The following ROBO4 variants were observed in gnomAD, a reference collection of about 807,000 sequenced individuals.
ROBO4 encodes the protein roundabout homolog 4.
In ROBO4, 80 loss-of-function variants were observed where a neutral mutation model predicts 103.3. The ratio of observed to expected loss-of-function variants is 0.77; its 90% confidence interval spans 0.65 to 0.93. ROBO4 has a LOEUF of 0.93. Ranked by LOEUF, ROBO4 falls within the 40% of genes least tolerant of loss-of-function variation. The pLI is 0.00. For synonymous variants in ROBO4, 504 were observed against 529.7 expected (o/e 0.95, Z 0.67); for missense variants, 1,333 against 1,305.3 (o/e 1.02, Z -0.33).
intron 10 of ROBO4, chr11:124,892,663 C>T (rs59519434): frequency 0.02 from 3,108 of 153,902 alleles, 101 homozygotes; most frequent in African/African-American, 0.07. Flanking sequence ...CCTGCTTCTG[C>T]GTGGCCAATA....
chr11:124,892,028 A>C, intron 10 of ROBO4: 1 of 701,390 alleles, frequency 1.4e-6, no homozygotes, highest in Non-Finnish European at 2.6e-6. Flanking sequence ...CGAGTCACCC[A>C]GAGCTGGGAG....
Position 124,895,449 on chromosome 11 carries a change from G to A in ROBO4, c.1036+8C>T, listed in dbSNP as rs1946869155. On this transcript the variant is annotated splice_region_variant and intron_variant, in intron 6 of 17. Transcript: ENST00000306534. ...TATTGTTGGCTTCTGAAGGGATCAG[G>A]CCCTGACCTTTTTCCGGCAGCCTCA... is the stretch of plus-strand genomic sequence containing the variant. 1 of 1,607,418 alleles carries A rather than the reference G, an allele frequency of 6.2e-7. No homozygotes were observed. The highest frequency in any genetic ancestry group is 8.5e-7 in the Non-Finnish European group (1 of 1,179,098).
At chr11:124,896,374 G>C (rs1168636848) in intron 3 of ROBO4, 56 bp from the exon 4 acceptor site, 13 of 1,606,426 alleles carry the variant, frequency 8.1e-6, no homozygotes, top group Non-Finnish European at 1.1e-5. Context: ...CTCTGAGCTG[G>C]GGGGAAGTTT....
rs542367765 is a variant in ROBO4, at chr11:124,894,537, CCT to C, written c.1150-170_1150-169del. The C allele has an allele frequency of 6.4e-6, 4 of 620,988 alleles. No homozygotes were observed. The Admixed American group carries it at 9.0e-5, about 14-fold the overall frequency. 38.5% of individuals were successfully genotyped at this position (620,988 alleles called of 1,614,324 possible). A position where few individuals can be genotyped will look rare whatever the true frequency, so the allele number is the denominator to read the frequency against. ...TATTCTCCCTACCAAGTGAGAGATA[CCT>C]CTCTCTAGATCAACAGTAGAAGGGC... On this transcript the variant is annotated intron_variant, in intron 7 of 17. Coordinates refer to ENST00000306534, the MANE Select transcript of ROBO4 (RefSeq NM_019055.6).
Position 124,885,162 on chromosome 11 carries a change from C to A in ROBO4, c.2880G>T (p.Trp960Cys), listed in dbSNP as rs753615619. The part of the protein sequence containing the change: ...SLPLWEWRPD[W>C]LEDMEVSHTQ... Reference sequence around the variant, plus strand: ...TGTGGCTGACCTCCATGTCTTCCAACCAGTCTGGCCTCCACTCCCACAGGG... The same window carrying A: ...TGTGGCTGACCTCCATGTCTTCCAAACAGTCTGGCCTCCACTCCCACAGGG... The change falls in exon 17 of 18, where the codon TGG becomes TGT. Residue 960 changes from tryptophan (W) to cysteine (C), a missense_variant. By Grantham distance (215) the Trp-to-Cys change is radical. Transcript: ENST00000306534. The A allele has an allele frequency of 1.9e-6, 3 of 1,614,030 alleles. No individual in the cohort carries two copies. Among genetic ancestry groups the A allele is most frequent in the Non-Finnish European group, 2.5e-6 (3 of 1,180,034 alleles).
In ROBO4 at chr11:124,897,232, T is replaced by G; in HGVS notation, c.100A>C (p.Ile34Leu). 6.8e-7 allele frequency: 1 copy of G among 1,461,944 alleles called. No homozygotes were observed. The highest frequency in any genetic ancestry group is 9.0e-7 in the Non-Finnish European group (1 of 1,106,960). The allele number at this position is 1,461,944 out of a possible 1,614,324, so 90.6% of individuals were successfully genotyped here. A position where few individuals can be genotyped will look rare whatever the true frequency, so the allele number is the denominator to read the frequency against. The change falls in exon 2 of 18, where the codon ATC (isoleucine) becomes CTC (leucine). Residue 34 changes from isoleucine (I) to leucine (L), a missense_variant. Coordinates refer to ENST00000306534, the MANE Select transcript of ROBO4 (RefSeq NM_019055.6). ...GGMAQDSPPQILVHPQDQLFQ... is the reference protein window; with the variant it reads ...GGMAQDSPPQLLVHPQDQLFQ... The stretch of plus-strand genomic sequence containing the variant: ...AGCTGGTCCTGGGGGTGGACTAGGA[T>G]CTGGGGCGGGGAGTCCTGAGCCATG...
Position 124,891,703 on chromosome 11 carries a change from C to A in ROBO4, c.1647G>T (p.Gly549=), listed in dbSNP as rs747378317. 6.2e-7 allele frequency: 1 copy of A among 1,614,178 alleles called. No individual in the cohort carries two copies. Among genetic ancestry groups the A allele is most frequent in the Non-Finnish European group, 8.5e-7 (1 of 1,180,046 alleles). The change falls in exon 11 of 18, where the codon GGG becomes GGT. Residue 549 remains glycine (G), a synonymous_variant. Coordinates refer to ENST00000306534, the MANE Select transcript of ROBO4 (RefSeq NM_019055.6). ...AGTCTAGTGGGTCCCGGGCATCCGC[C>A]CCCAGCCGACTGCTGAGGCTGCTGC... ...SSSSSLSSRL[G]ADARDPLDCR... is the part of the protein sequence containing the mutation.
chr11:124,895,858 TC>T lies in ROBO4; in HGVS notation c.733del (p.Glu245LysfsTer3). ...ATCCGGGTTCAGCAGTGTCACATTT[TC>T]CAGCTGAATTCGCACAGCCAGAAGC... Reference protein sequence around the residue: ...VELLAVRIQLENVTLLNPDPA... With the variant: ...VELLAVRIQLXNVTLLNPDPA... On this transcript the variant is annotated frameshift_variant, in exon 5 of 18. Coordinates refer to ENST00000306534, the MANE Select transcript of ROBO4 (RefSeq NM_019055.6). LOFTEE classifies it high-confidence loss of function. The T allele has an allele frequency of 6.2e-7, 1 of 1,614,136 alleles. No individual in the cohort carries two copies. The highest frequency in any genetic ancestry group is 8.5e-7 in the Non-Finnish European group (1 of 1,180,008).
At chr11:124,890,537 C>T (rs770090991) in intron 12 of ROBO4, among the ~76,000 whole-genome samples, 2 of 152,218 alleles carry the variant, frequency 1.3e-5, no homozygotes, top group Non-Finnish European at 2.9e-5. Context: ...TTGAGTCCTG[C>T]AGCTAATTAC....
At chr11:124,892,158 A>G (rs998712801) in intron 10 of ROBO4, 18 of 458,358 alleles carry the variant, frequency 3.9e-5, no homozygotes, top group Non-Finnish European at 6.3e-5. Flanking sequence ...GCACTTGGGT[A>G]AGTACATCCT....
chr11:124,894,451 G>A (rs1946850291), intron 7 of ROBO4, 82 bp from the exon 8 acceptor site: 4 of 1,408,880 alleles, frequency 2.8e-6, no homozygotes, highest in African/African-American at 2.9e-5. Flanking sequence ...AGACTCCAGG[G>A]GTGTGGTTAT....
chr11:124,896,799 C>A, intron 2 of ROBO4, 129 bp from the exon 3 acceptor site: 1 of 1,510,150 alleles, frequency 6.6e-7, no homozygotes, highest in Non-Finnish European at 8.9e-7. Context: ...CCCCAGCTTG[C>A]CCTCCCAAGC....
intron 16 of ROBO4, 30 bp from the exon 17 acceptor site, chr11:124,885,277 A>G (rs758292843): frequency 3.3e-5 from 53 of 1,587,920 alleles, no homozygotes. Context: ...TGTCTGTGGG[A>G]GGTTGACCTT....
At position 124,896,240 on chromosome 11, in the gene ROBO4, C is replaced by T. The variant is rs146812473; in HGVS notation, c.637G>A (p.Ala213Thr). Reference sequence around the variant, plus strand: ...GCTGCGCGGCTCTCCCTATGTCCTGCGCTGTTGGTGGCCACACACATGTAG... The same window carrying T: ...GCTGCGCGGCTCTCCCTATGTCCTGTGCTGTTGGTGGCCACACACATGTAG... ...GTYMCVATNSAGHRESRAARV... is the reference protein window; with the variant it reads ...GTYMCVATNSTGHRESRAARV... Residue 213 changes from alanine to threonine, a missense_variant, in exon 4 of 18, where the codon GCA (alanine) becomes ACA (threonine). Ala to Thr is a moderately conservative substitution (Grantham distance 58). Coordinates refer to ENST00000306534, the MANE Select transcript of ROBO4 (RefSeq NM_019055.6). The T allele has an allele frequency of 4.2e-5, 67 of 1,614,146 alleles. No individual in the cohort carries two copies. The African/African-American group carries it at 6.3e-4, about 15-fold the overall frequency.
rs142824754 is a variant in ROBO4 at position 124,897,769 on chromosome 11, C to G, written c.27G>C (p.Leu9=). Residue 9 remains leucine, a synonymous_variant, in exon 1 of 18, where the codon CTG becomes CTC. Coordinates refer to ENST00000306534, the MANE Select transcript of ROBO4 (RefSeq NM_019055.6). The part of the protein sequence containing the change: MGSGGDSL[L]GGRGSLPLLL... ...GCAGAGGCAGGGAACCCCTGCCCCC[C>G]AGGAGGCTGTCTCCTCCAGAGCCCA... is the stretch of plus-strand genomic sequence containing the variant. 5.0e-6 allele frequency: 8 copies of G among 1,613,818 alleles called. No homozygotes were observed. The highest frequency in any genetic ancestry group is 1.7e-5 in the Admixed American group (1 of 59,994).
Position 124,891,743 on chromosome 11 carries a change from C to T in ROBO4, c.1607G>A (p.Arg536Gln), listed in dbSNP as rs368057702. The T allele has an allele frequency of 4.3e-6, 7 of 1,613,838 alleles. No homozygotes were observed. The highest frequency in any genetic ancestry group is 2.7e-5 in the African/African-American group (2 of 74,916). ...GAGGCTGCTGCTGCTGCTCAGGTCC[C>T]GAGAGCCAGAGGTGGAACGCCAAGT... ...ADTWRSTSGS[R>Q]DLSSSSSLSS... Residue 536 changes from arginine (R) to glutamine (Q), a missense_variant, in exon 11 of 18, where the codon CGG (arginine) becomes CAG (glutamine). By Grantham distance (43) the Arg-to-Gln change is conservative. Coordinates refer to ENST00000306534, the MANE Select transcript of ROBO4 (RefSeq NM_019055.6).
Position 124,884,864 on chromosome 11 carries a change from C to T in ROBO4, c.*27G>A, listed in dbSNP as rs1269689258. ...TGGACAGGAGAAGTGGTTCTGATTCCCGTCTGGGAAGTCTCAGGGACACGG... is the reference window on the plus strand; with the variant it reads ...TGGACAGGAGAAGTGGTTCTGATTCTCGTCTGGGAAGTCTCAGGGACACGG... On this transcript the variant is annotated 3_prime_UTR_variant, in exon 18 of 18. Transcript: ENST00000306534. The T allele has an allele frequency of 6.2e-7, 1 of 1,614,026 alleles. No homozygotes were observed. The highest frequency in any genetic ancestry group is 8.5e-7 in the Non-Finnish European group (1 of 1,179,884).
chr11:124,897,785 C>T lies in ROBO4; in HGVS notation c.11G>A (p.Gly4Glu), dbSNP rs761930518. 2.5e-6 allele frequency: 4 copies of T among 1,613,354 alleles called. No individual in the cohort carries two copies. The highest frequency in any genetic ancestry group is 3.3e-5 in the Admixed American group (2 of 59,962). The change falls in exon 1 of 18, where the codon GGA becomes GAA. Residue 4 changes from glycine to glutamate, a missense_variant. Coordinates refer to ENST00000306534, the MANE Select transcript of ROBO4 (RefSeq NM_019055.6). ...CCTGCCCCCCAGGAGGCTGTCTCCT[C>T]CAGAGCCCATGGCTACTCTCAGCCC... MGS[G>E]GDSLLGGRGS...
rs544514525 is a variant in ROBO4, at chr11:124,893,949, G to T, written c.1415C>A (p.Ala472Asp). 4 of 1,609,322 alleles carry T rather than the reference G, an allele frequency of 2.5e-6. No individual in the cohort carries two copies. The Admixed American group carries it at 6.7e-5, about 27-fold the overall frequency. ...RATLKRPEVI[A>D]TCGVALWLLL... is the part of the protein sequence containing the mutation. ...CAGCCAGAGTGCAACACCGCAGGTGGCAATGACCTCAGGCCGCTTCAAGGT... is the reference window on the plus strand; with the variant it reads ...CAGCCAGAGTGCAACACCGCAGGTGTCAATGACCTCAGGCCGCTTCAAGGT... The change falls in exon 9 of 18, where the codon GCC becomes GAC. Residue 472 changes from alanine to aspartate, a missense_variant. By Grantham distance (126) the Ala-to-Asp change is moderately radical. Coordinates refer to ENST00000306534, the MANE Select transcript of ROBO4 (RefSeq NM_019055.6).
Sources: allele counts gnomAD v4.1 joint callset (sites outside exome capture counted in the v4.1 genomes callset), GRCh38; gene constraint gnomAD v4.1.1; transcripts MANE v1.5; gene names NCBI Gene and HGNC (gene_info 2026-07-23, HGNC 2026-07-21).